Variants in APBB2 observed in about 807,000 individuals in gnomAD.
APBB2 encodes the protein amyloid beta precursor protein binding family B member 2, also known as Fe65-like 1.
A neutral mutation model predicts 82.5 loss-of-function variants in APBB2; 38 were observed. The observed-to-expected ratio is 0.46, with a 90% CI of 0.36 to 0.60. The LOEUF (loss-of-function observed/expected upper bound fraction) is 0.60. APBB2 is among the 20% of genes least tolerant of loss of function. APBB2 has a pLI of 0.00. For synonymous variants in APBB2, 341 were observed against 368.2 expected, an observed-to-expected ratio of 0.93 and a Z score of 0.85; for missense variants, 772 against 972.3, an observed-to-expected ratio of 0.79 and a Z score of 2.74.
chr4:40,817,810 C>A (rs917223929), intron 17 of APBB2, among the ~76,000 whole-genome samples: 1 of 152,062 alleles, frequency 6.6e-6, no homozygotes, highest in African/African-American at 2.4e-5. Context: ...ACAAAACAAC[C>A]CCTTTCAAAT....
At chr4:40,856,885 G>C (rs1367333735) in intron 12 of APBB2, 3 of 938,358 alleles carry the variant, frequency 3.2e-6, no homozygotes, top group African/African-American at 3.6e-5. Flanking sequence ...CGCTGACTCG[G>C]GGAAGGGAGG....
intron 6 of APBB2, among the ~76,000 whole-genome samples, chr4:40,954,375 C>T (rs758001041): frequency 3.0e-4 from 45 of 152,076 alleles, no homozygotes; most frequent in Non-Finnish European, 5.4e-4. Flanking sequence ...GTGAAAGGCA[C>T]GGGGTGGAGA....
intron 12 of APBB2, among the ~76,000 whole-genome samples, chr4:40,873,349 CTT>C (rs1766046770): frequency 2.0e-5 from 3 of 152,160 alleles, no homozygotes; most frequent in African/African-American, 7.2e-5. Context: ...AATTTTCCCT[CTT>C]AATTTTCAAT....
chr4:40,830,784 G>A (rs986984627), intron 12 of APBB2, among the ~76,000 whole-genome samples: 22 of 152,220 alleles, frequency 1.4e-4, no homozygotes, highest in African/African-American at 5.3e-4. Flanking sequence ...TACCTACGAT[G>A]TGGGCTAGGC....
intron 12 of APBB2, among the ~76,000 whole-genome samples, chr4:40,847,454 C>T (rs1276833237): frequency 2.6e-5 from 4 of 152,018 alleles, no homozygotes; most frequent in East Asian, 1.9e-4. Context: ...AGAGCAAGAC[C>T]GTCTCAAAAA....
chr4:41,168,148 A>G (rs889451977), intron 1 of APBB2, among the ~76,000 whole-genome samples: 10 of 150,716 alleles, frequency 6.6e-5, no homozygotes, highest in African/African-American at 1.9e-4. Context: ...AGGTGCCTGT[A>G]GTCCCAGCTA....
chr4:41,000,496 A>AGAGGTTAAG (rs1804909460), intron 6 of APBB2, among the ~76,000 whole-genome samples: 5 of 152,166 alleles, frequency 3.3e-5, no homozygotes, highest in Non-Finnish European at 5.9e-5. Context: ...CCTGGAGCTC[A>AGAGGTTAAG]CAGGTTAAGC....
intron 2 of APBB2, among the ~76,000 whole-genome samples, chr4:41,136,566 G>A (rs1005803422): frequency 1.3e-5 from 2 of 152,170 alleles, no homozygotes; most frequent in African/African-American, 4.8e-5. Context: ...GTCTACTCAG[G>A]TTGAAATGAG....
rs776829735 is a variant in APBB2, at chr4:40,890,354, AG to A, written c.1529+9del. On this transcript the variant is annotated intron_variant, in intron 12 of 17. Transcript: ENST00000508593. ...TGAGGTGACCCAGACTGCCCCACCCAGGGACTCACCGGCCATTGTCGCGGCC... is the reference window on the plus strand; with the variant it reads ...TGAGGTGACCCAGACTGCCCCACCCAGGACTCACCGGCCATTGTCGCGGCC... 2 of 1,611,290 alleles carry A rather than the reference AG, an allele frequency of 1.2e-6. No individual in the cohort carries two copies. The highest frequency in any genetic ancestry group is 2.2e-5 in the South Asian group (2 of 90,800).
At chr4:41,160,205 C>A (rs1165697618) in intron 1 of APBB2, among the ~76,000 whole-genome samples, 1 of 151,996 alleles carries the variant, frequency 6.6e-6, no homozygotes, top group Admixed American at 6.5e-5. Context: ...ACAGGTGCTG[C>A]CGGCCTGGAC....
intron 6 of APBB2, among the ~76,000 whole-genome samples, chr4:40,983,559 C>G (rs1030986098): frequency 2.7e-5 from 4 of 146,466 alleles, no homozygotes; most frequent in Admixed American, 7.0e-5. Context: ...AGTTTCTTAA[C>G]GAAGAGTCCT....
At chr4:41,014,809 C>G (rs2154430206) in intron 5 of APBB2, among the ~76,000 whole-genome samples, 1 of 152,304 alleles carries the variant, frequency 6.6e-6, no homozygotes, top group South Asian at 2.1e-4. Context: ...AAAAATTGCT[C>G]AAGATTCCTC....
chr4:41,132,577 T>C (rs1756364602), intron 2 of APBB2, among the ~76,000 whole-genome samples: 1 of 152,218 alleles, frequency 6.6e-6, no homozygotes, highest in African/African-American at 2.4e-5. Flanking sequence ...AAAGCTCCTT[T>C]GAAAGCAAAC....
chr4:41,128,735 C>A (rs188648227), intron 2 of APBB2, among the ~76,000 whole-genome samples: 1 of 152,192 alleles, frequency 6.6e-6, no homozygotes, highest in Non-Finnish European at 1.5e-5. Flanking sequence ...GTAAGGTACA[C>A]ACATCACTTC....
chr4:40,976,016 G>C (rs751849253), intron 6 of APBB2, among the ~76,000 whole-genome samples: 1 of 151,398 alleles, frequency 6.6e-6, no homozygotes, highest in Non-Finnish European at 1.5e-5. Flanking sequence ...AATATTCAAA[G>C]ACTTTTATTA....
At chr4:41,076,313 G>A (rs569585776) in intron 3 of APBB2, among the ~76,000 whole-genome samples, 2 of 152,304 alleles carry the variant, frequency 1.3e-5, no homozygotes, top group South Asian at 4.1e-4. Flanking sequence ...TGGCTTGCAA[G>A]TCATTTTAAG....
chr4:40,878,878 T>G (rs1183943082), intron 12 of APBB2, among the ~76,000 whole-genome samples: 2 of 152,222 alleles, frequency 1.3e-5, no homozygotes, highest in Non-Finnish European at 2.9e-5. Flanking sequence ...TTCCGTCCTC[T>G]GGCTGCCATG....
At chr4:41,053,862 G>A (rs566275993) in intron 4 of APBB2, among the ~76,000 whole-genome samples, 1 of 152,276 alleles carries the variant, frequency 6.6e-6, no homozygotes, top group African/African-American at 2.4e-5. Flanking sequence ...ATAAGTTAGA[G>A]CTTTCTTTTC....
intron 1 of APBB2, among the ~76,000 whole-genome samples, chr4:41,161,587 C>T (rs1399425736): frequency 6.6e-6 from 1 of 152,028 alleles, no homozygotes; most frequent in Non-Finnish European, 1.5e-5. Flanking sequence ...GCCTGGGTGA[C>T]AAAGCAAGAC....
Sources: allele counts gnomAD v4.1 joint callset (sites outside exome capture counted in the v4.1 genomes callset), GRCh38; gene constraint gnomAD v4.1.1; transcripts MANE v1.5; gene names NCBI Gene and HGNC (gene_info 2026-07-23, HGNC 2026-07-21).